Variants in EML6 observed in about 807,000 individuals in gnomAD.
The protein encoded by EML6 is echinoderm microtubule-associated protein-like 6.
EML6 carries 154 observed loss-of-function variants against 240.1 expected under a neutral mutation model. The observed-to-expected ratio is 0.64, with a 90% CI of 0.56 to 0.73. The LOEUF is 0.73. Ranked by LOEUF, EML6 falls within the 30% of genes least tolerant of loss-of-function variation. The probability of loss-of-function intolerance (pLI) is 0.00; values close to 1 mark genes in which losing one functional copy is unlikely to be tolerated. For synonymous variants in EML6, 1,148 were observed against 899.0 expected (o/e 1.28, Z -4.95); for missense variants, 2,964 against 2,474.6 (o/e 1.20, Z -4.20).
At chr2:54,916,611 A>G in intron 25 of EML6, 148 bp from the exon 26 acceptor site, 5 of 515,260 alleles carry the variant, frequency 9.7e-6, no homozygotes, top group South Asian at 5.9e-5. Context: ...CACTTTAAAT[A>G]TGCAACTTAG....
intron 2 of EML6, among the ~76,000 whole-genome samples, chr2:54,780,540 A>G (rs1326131528): frequency 6.6e-6 from 1 of 152,198 alleles, no homozygotes; most frequent in Non-Finnish European, 1.5e-5. Flanking sequence ...CATTCTCCCC[A>G]GCAATTAAGG....
intron 31 of EML6, among the ~76,000 whole-genome samples, chr2:54,953,129 G>A (rs938452453): frequency 1.3e-5 from 2 of 152,124 alleles, no homozygotes; most frequent in Admixed American, 6.5e-5. Context: ...GTCATCTCGA[G>A]CAATTTTTAC....
chr2:54,956,689 C>T (rs1676250017), intron 32 of EML6, among the ~76,000 whole-genome samples: 1 of 152,078 alleles, frequency 6.6e-6, no homozygotes, highest in Admixed American at 6.6e-5. Flanking sequence ...GGGGTGGCCA[C>T]AGGCCCAGCT....
intron 28 of EML6, among the ~76,000 whole-genome samples, chr2:54,942,471 A>G (rs1301914604): frequency 6.6e-6 from 1 of 152,166 alleles, no homozygotes; most frequent in Non-Finnish European, 1.5e-5. Flanking sequence ...AGGGGTGTTG[A>G]TCTGCCTCCT....
At chr2:54,850,383 A>G in intron 10 of EML6, 165 bp downstream of exon 10, 1 of 611,970 alleles carries the variant, frequency 1.6e-6, no homozygotes, top group Non-Finnish European at 2.8e-6. Context: ...TTCTGTCGCA[A>G]GATCCTAAAT....
intron 2 of EML6, among the ~76,000 whole-genome samples, chr2:54,793,042 C>T (rs1669542205): frequency 6.6e-6 from 1 of 152,162 alleles, no homozygotes; most frequent in East Asian, 1.9e-4. Flanking sequence ...CTGAGGCAGG[C>T]AGATTGCATG....
intron 32 of EML6, among the ~76,000 whole-genome samples, chr2:54,954,984 G>T (rs76007511): frequency 1.3e-5 from 2 of 152,206 alleles, no homozygotes; most frequent in Non-Finnish European, 2.9e-5. Context: ...GGGGTGGTGC[G>T]TGGAGGTTGT....
chr2:54,864,522 C>T (rs2103866872), intron 13 of EML6, among the ~76,000 whole-genome samples: 1 of 152,318 alleles, frequency 6.6e-6, no homozygotes, highest in South Asian at 2.1e-4. Context: ...CACATACCAC[C>T]TTGTTACAGC....
At chr2:54,938,608 C>A (rs1197266996) in intron 28 of EML6, among the ~76,000 whole-genome samples, 1 of 152,184 alleles carries the variant, frequency 6.6e-6, no homozygotes. Flanking sequence ...GTAACTACTA[C>A]AAAACAGTTC....
chr2:54,803,719 A>G lies in EML6; in HGVS notation c.198-9513A>G, dbSNP rs1297137244. Among the ~76,000 whole-genome samples the G allele has an allele frequency of 5.3e-5, 8 of 152,328 alleles. No homozygotes were observed. In the South Asian group the frequency reaches 1.7e-3, roughly 32 times the overall value. ...CAAGGCTGTGCAACTCTATACTTAA[A>G]TAAGTGGCCAGTTTTGTTTTTAAGT... On this transcript the variant is annotated intron_variant, in intron 2 of 41. Transcript: ENST00000356458.
chr2:54,960,496 C>T (rs1230507133), intron 35 of EML6, among the ~76,000 whole-genome samples, 162 bp downstream of exon 35: 2 of 152,114 alleles, frequency 1.3e-5, no homozygotes, highest in Non-Finnish European at 2.9e-5. Context: ...AGTCAGACTC[C>T]CCCAGGAAGA....
intron 28 of EML6, among the ~76,000 whole-genome samples, chr2:54,938,661 G>A (rs1675274545): frequency 6.6e-6 from 1 of 152,182 alleles, no homozygotes; most frequent in Non-Finnish European, 1.5e-5. Context: ...AACTGACTTT[G>A]GCTTCAACAG....
chr2:54,801,164 C>CA (rs1485044827), intron 2 of EML6, among the ~76,000 whole-genome samples: 1 of 151,646 alleles, frequency 6.6e-6, no homozygotes, highest in Non-Finnish European at 1.5e-5. Flanking sequence ...ACTAAAAATA[C>CA]AAAAAATCAG....
At position 54,892,604 on chromosome 2, in the gene EML6, A is replaced by C. The variant is rs1413266513; in HGVS notation, c.2690A>C (p.Lys897Thr). ...IFIWKDILLL[K>T]TVKAHDGPVF... is the part of the protein sequence containing the mutation. ...ATTTGGAAAGACATTCTACTACTGA[A>C]GACAGTGAAAGCTCATGATGGGCCT... The change falls in exon 19 of 42, where the codon AAG becomes ACG. Residue 897 changes from lysine (K) to threonine (T), a missense_variant. By Grantham distance (78) the Lys-to-Thr change is moderately conservative (BLOSUM62 -1). Coordinates refer to ENST00000356458, the MANE Select transcript of EML6 (RefSeq NM_001039753.4). 1.3e-6 allele frequency: 2 copies of C among 1,551,802 alleles called. No homozygotes were observed. Among genetic ancestry groups the C allele is most frequent in the Non-Finnish European group, 1.7e-6 (2 of 1,146,894 alleles).
intron 29 of EML6, 147 bp from the exon 30 acceptor site, chr2:54,950,503 A>G: frequency 1.2e-6 from 1 of 839,056 alleles, no homozygotes; most frequent in East Asian, 3.0e-5. Context: ...GCCAGTCAAG[A>G]AGCAAAATGT....
intron 24 of EML6, among the ~76,000 whole-genome samples, chr2:54,908,201 C>G (rs1010422575): frequency 1.3e-5 from 2 of 151,680 alleles, no homozygotes; most frequent in Non-Finnish European, 2.9e-5. Flanking sequence ...CCCACTCAAA[C>G]CAGCTTAAAC....
rs1676110075 is a variant in EML6, at chr2:54,953,964, C to T, written c.4313-19C>T. 2.0e-6 allele frequency: 3 copies of T among 1,537,346 alleles called. No individual in the cohort carries two copies. The highest frequency in any genetic ancestry group is 1.8e-6 in the Non-Finnish European group (2 of 1,137,370). ...CCATTTGTCAGCCTTACTTCTTTGT[C>T]ATGCCTCTCCACACTCAGGGACAAC... On this transcript the variant is annotated intron_variant, in intron 31 of 41. Coordinates refer to ENST00000356458, the MANE Select transcript of EML6 (RefSeq NM_001039753.4).
intron 28 of EML6, among the ~76,000 whole-genome samples, chr2:54,942,661 C>A (rs1675488968): frequency 6.6e-6 from 1 of 152,166 alleles, no homozygotes; most frequent in Admixed American, 6.5e-5. Context: ...CCTTCCTGTT[C>A]TTGTCATCTG....
intron 10 of EML6, chr2:54,850,471 G>A (rs1183494322): frequency 2.7e-5 from 11 of 400,784 alleles, no homozygotes; most frequent in Non-Finnish European, 4.9e-5. Context: ...GATCGTGAAT[G>A]AAATGTAAAG....
Sources: allele counts gnomAD v4.1 joint callset (sites outside exome capture counted in the v4.1 genomes callset), GRCh38; gene constraint gnomAD v4.1.1; transcripts MANE v1.5; gene names NCBI Gene and HGNC (gene_info 2026-07-23, HGNC 2026-07-21).